Variants in ADAM12 observed in about 807,000 individuals in gnomAD.
ADAM12 encodes the protein disintegrin and metalloproteinase domain-containing protein 12.
A neutral mutation model predicts 106.4 loss-of-function variants in ADAM12; 70 were observed. The ratio of observed to expected loss-of-function variants is 0.66; its 90% CI spans 0.54 to 0.80. The LOEUF is 0.80. Ranked by LOEUF, ADAM12 falls within the 30% of genes least tolerant of loss-of-function variation. The pLI is 0.00. For synonymous variants in ADAM12, 420 were observed against 433.5 expected, an observed-to-expected ratio of 0.97 and a Z score of 0.39; for missense variants, 1,010 against 1,171.9, an observed-to-expected ratio of 0.86 and a Z score of 2.02.
intron 3 of ADAM12, among the ~76,000 whole-genome samples, chr10:126,246,111 G>A (rs1471429341): frequency 6.6e-6 from 1 of 152,018 alleles, no homozygotes; most frequent in African/African-American, 2.4e-5. Context: ...AAATAATGAG[G>A]GACACAAAAC....
Position 126,038,491 on chromosome 10 carries a change from T to TAAC in ADAM12, c.2241-145_2241-143dup, listed in dbSNP as rs543252936. 1.0e-3 allele frequency: 629 copies of TAAC among 599,554 alleles called. 3 individuals carry two copies. Among genetic ancestry groups the TAAC allele is most frequent in the African/African-American group, 0.01 (549 of 52,472 alleles). 37.1% of individuals were successfully genotyped at this position (599,554 alleles called of 1,614,324 possible). A position where few individuals can be genotyped will look rare whatever the true frequency, so the allele number is the denominator to read the frequency against. ...AACATGCAAAGGAAAAATTACCTAA[T>TAAC]AACACTCTTAGGAGATTAAAAAATA... On this transcript the variant is annotated intron_variant, in intron 19 of 22. Coordinates refer to ENST00000448723, the MANE Select transcript of ADAM12 (RefSeq NM_001288973.2).
intron 6 of ADAM12, among the ~76,000 whole-genome samples, chr10:126,112,229 G>C (rs1184949317): frequency 6.6e-6 from 1 of 151,958 alleles, no homozygotes; most frequent in Admixed American, 6.6e-5. Flanking sequence ...GTTGAGGGGT[G>C]GGGGATGAGA....
intron 18 of ADAM12, chr10:126,041,355 C>T: frequency 1.0e-6 from 1 of 985,780 alleles, no homozygotes; most frequent in Non-Finnish European, 1.2e-6. Flanking sequence ...ATTTCAAATG[C>T]ACTCTATTTT....
intron 4 of ADAM12, among the ~76,000 whole-genome samples, chr10:126,145,862 G>T (rs886537693): frequency 6.6e-6 from 1 of 152,208 alleles, no homozygotes; most frequent in East Asian, 1.9e-4. Flanking sequence ...AATAAACATA[G>T]GCATGTGTGA....
At chr10:126,056,060 G>T (rs1259637930) in intron 14 of ADAM12, among the ~76,000 whole-genome samples, 1 of 152,144 alleles carries the variant, frequency 6.6e-6, no homozygotes, top group Non-Finnish European at 1.5e-5. Flanking sequence ...GTGAAGTTTG[G>T]CCAGTAAAAC....
intron 3 of ADAM12, among the ~76,000 whole-genome samples, chr10:126,185,469 T>G (rs1163671620): frequency 7.4e-6 from 1 of 135,948 alleles, no homozygotes; most frequent in Non-Finnish European, 1.5e-5. Flanking sequence ...TATCTTGATT[T>G]CTGTTAACAT....
chr10:126,335,958 T>G (rs1854683770), intron 1 of ADAM12, among the ~76,000 whole-genome samples: 1 of 150,810 alleles, frequency 6.6e-6, no homozygotes, highest in Non-Finnish European at 1.5e-5. Context: ...TCGTCAAAAC[T>G]GTCAACATCA....
chr10:126,291,026 T>G (rs1960126426), intron 2 of ADAM12, among the ~76,000 whole-genome samples: 1 of 152,240 alleles, frequency 6.6e-6, no homozygotes. Context: ...GTTTTTGGAG[T>G]GGCCTCTGAG....
intron 4 of ADAM12, among the ~76,000 whole-genome samples, chr10:126,137,444 T>C (rs1956425732): frequency 6.6e-6 from 1 of 152,270 alleles, no homozygotes; most frequent in South Asian, 2.1e-4. Flanking sequence ...GTGGGTTTTG[T>C]TGTATATTCA....
At chr10:126,216,345 G>A (rs1015240085) in intron 3 of ADAM12, among the ~76,000 whole-genome samples, 19 of 152,192 alleles carry the variant, frequency 1.2e-4, no homozygotes, top group African/African-American at 4.3e-4. Context: ...AGCCCACTTC[G>A]AACTTCAAAG....
At chr10:126,028,895 A>G (rs964120800) in intron 21 of ADAM12, among the ~76,000 whole-genome samples, 1 of 152,214 alleles carries the variant, frequency 6.6e-6, no homozygotes, top group African/African-American at 2.4e-5. Context: ...AATAGCTAGC[A>G]TCTATAAGGA....
Position 126,388,119 on chromosome 10 carries a change from G to T in ADAM12, c.27C>A (p.Ser9=). The change falls in exon 1 of 23, where the codon TCC becomes TCA. Residue 9 remains serine, a synonymous_variant. Coordinates refer to ENST00000448723, the MANE Select transcript of ADAM12 (RefSeq NM_001288973.2). This position sits in a 1 kb window ranked among gnomAD's most constrained non-coding sequence, Gnocchi z 4.4. The stretch of plus-strand genomic sequence containing the variant: ...GGGCGAGCAGGAGGGCGCGGGCGGG[G>T]GACACGGGCAGCGGGCGCGCTGCCA... MAARPLPV[S]PARALLLALA... 8.2e-7 allele frequency: 1 copy of T among 1,223,826 alleles called. No homozygotes were observed. The highest frequency in any genetic ancestry group is 3.3e-5 in the East Asian group (1 of 30,542). The allele number at this position is 1,223,826 out of a possible 1,614,324, so 75.8% of individuals were successfully genotyped here.
At chr10:126,214,145 T>C (rs1036561423) in intron 3 of ADAM12, among the ~76,000 whole-genome samples, 7 of 152,306 alleles carry the variant, frequency 4.6e-5, no homozygotes, top group Middle Eastern at 3.4e-3. Flanking sequence ...GCATTCTGTG[T>C]GAGCATTAAA....
intron 1 of ADAM12, among the ~76,000 whole-genome samples, chr10:126,346,019 T>C (rs2133877843): frequency 6.6e-6 from 1 of 152,330 alleles, no homozygotes; most frequent in East Asian, 1.9e-4. Flanking sequence ...CTCTGTCTCC[T>C]TCAGTTCTGC....
At chr10:126,297,201 A>G (rs1960420548) in intron 2 of ADAM12, among the ~76,000 whole-genome samples, 1 of 152,218 alleles carries the variant, frequency 6.6e-6, no homozygotes, top group Admixed American at 6.5e-5. Flanking sequence ...AAAGACATTC[A>G]GCATAATTCA....
chr10:126,297,618 G>A (rs1001350652), intron 2 of ADAM12, among the ~76,000 whole-genome samples: 3 of 152,174 alleles, frequency 2.0e-5, no homozygotes, highest in African/African-American at 4.8e-5. Flanking sequence ...TAAGCTGATG[G>A]TACACAAATG....
intron 3 of ADAM12, among the ~76,000 whole-genome samples, chr10:126,231,669 C>A (rs766058417): frequency 6.6e-6 from 1 of 152,168 alleles, no homozygotes; most frequent in African/African-American, 2.4e-5. Flanking sequence ...ATCTTATTCT[C>A]CCCACATTAG....
In ADAM12 at chr10:126,013,054, T is replaced by C. The variant is rs958892759; in HGVS notation, c.*4225A>G. The C allele has an allele frequency of 3.3e-5, 5 of 152,230 alleles. No individual in the cohort carries two copies. Among genetic ancestry groups the C allele is most frequent in the Admixed American group, 6.5e-5 (1 of 15,282 alleles). The allele number at this position is 152,230 out of a possible 1,614,324, so 9.4% of individuals were successfully genotyped here. On this transcript the variant is annotated 3_prime_UTR_variant, in exon 23 of 23. Transcript: ENST00000448723. This position sits in a 1 kb window ranked among gnomAD's most constrained non-coding sequence, Gnocchi z 4.3. ...CCTGGAAGAGCTGAATAGCTTTACATTGAGAATTACTTTGTATGTTAAATC... is the reference window on the plus strand; with the variant it reads ...CCTGGAAGAGCTGAATAGCTTTACACTGAGAATTACTTTGTATGTTAAATC...
chr10:126,146,857 G>A (rs2133703620), intron 4 of ADAM12, among the ~76,000 whole-genome samples: 1 of 152,280 alleles, frequency 6.6e-6, no homozygotes, highest in Non-Finnish European at 1.5e-5. Context: ...GCTTACACTT[G>A]ATACACTTAT....
Sources: gnomAD v4.1 joint callset for allele counts (sites outside exome capture counted in the v4.1 genomes callset) on GRCh38, gnomAD v4.1.1 for gene constraint, Gnocchi (gnomAD v3.1) non-coding constraint, MANE v1.5 for transcripts, NCBI Gene and HGNC (gene_info 2026-07-23, HGNC 2026-07-21) for gene names.